Variants in SNX6 observed in about 807,000 individuals in gnomAD.
SNX6 encodes sorting nexin 6.
A neutral mutation model predicts 63.0 loss-of-function variants in SNX6; 34 were observed. That is an observed-to-expected ratio of 0.54 (90% CI 0.41 to 0.72). SNX6 has a LOEUF of 0.72. Ranked by LOEUF, SNX6 falls within the 30% of genes least tolerant of loss-of-function variation. The pLI is 0.00. For missense variants in SNX6, 398 were observed against 471.4 expected, an observed-to-expected ratio of 0.84 and a Z score of 1.44; for synonymous variants, 170 against 164.2, an observed-to-expected ratio of 1.04 and a Z score of -0.27.
rs2138260425 is a variant in SNX6 at position 34,567,812 on chromosome 14, T to C, written c.1082-41A>G. 1.9e-6 allele frequency: 3 copies of C among 1,611,764 alleles called. No homozygotes were observed. In the East Asian group the frequency reaches 6.7e-5, roughly 36 times the overall value. ...TAGGATTATTTAATTTACATAATAG[T>C]CATAAAGCATATCTTGTGATTAAAG... is the stretch of plus-strand genomic sequence containing the variant. On this transcript the variant is annotated intron_variant, in intron 12 of 13. Coordinates refer to ENST00000362031, the MANE Select transcript of SNX6 (RefSeq NM_152233.4).
intron 11 of SNX6, among the ~76,000 whole-genome samples, chr14:34,571,011 C>T (rs918985906): frequency 2.0e-5 from 3 of 151,914 alleles, no homozygotes; most frequent in African/African-American, 7.2e-5. Context: ...ACGTCAGCCA[C>T]CGCACCTGGC....
At chr14:34,600,431 T>TTTC (rs201879419) in intron 6 of SNX6, among the ~76,000 whole-genome samples, 1 of 151,328 alleles carries the variant, frequency 6.6e-6, no homozygotes. Context: ...GGCATTTTTC[T>TTTC]TTCTTCTTCT....
At chr14:34,568,822 C>T (rs952052372) in intron 11 of SNX6, 15 of 1,031,952 alleles carry the variant, frequency 1.5e-5, no homozygotes, top group South Asian at 3.9e-5. Context: ...TTGGAGGACC[C>T]GGTGGGCCAC....
chr14:34,583,181 C>T (rs1374391174), intron 9 of SNX6, among the ~76,000 whole-genome samples: 1 of 151,994 alleles, frequency 6.6e-6, no homozygotes, highest in Non-Finnish European at 1.5e-5. Flanking sequence ...TGGTGGCACG[C>T]GCCTGTAGTC....
At chr14:34,625,987 G>C (rs1395860366) in intron 2 of SNX6, among the ~76,000 whole-genome samples, 2 of 152,100 alleles carry the variant, frequency 1.3e-5, no homozygotes, top group Non-Finnish European at 2.9e-5. Flanking sequence ...TTAAAGTCCA[G>C]CTCTCCCATT....
At chr14:34,607,006 C>T (rs1340654359) in intron 4 of SNX6, among the ~76,000 whole-genome samples, 2 of 151,098 alleles carry the variant, frequency 1.3e-5, no homozygotes, top group Middle Eastern at 3.2e-3. Flanking sequence ...TCTTGAACTC[C>T]TGACCTCATG....
At chr14:34,568,150 T>C in intron 11 of SNX6, 137 bp from the exon 12 acceptor site, 1 of 682,686 alleles carries the variant, frequency 1.5e-6, no homozygotes, top group Non-Finnish European at 2.2e-6. Context: ...TCCAATTTTT[T>C]TTTTTTTTTT....
At position 34,567,839 on chromosome 14, in the gene SNX6, T is replaced by C. The variant is rs1408700274; in HGVS notation, c.1081+15A>G. 2 of 1,613,744 alleles carry C rather than the reference T, an allele frequency of 1.2e-6. No homozygotes were observed. The highest frequency in any genetic ancestry group is 3.3e-5 in the Admixed American group (2 of 59,926). ...ATAAAGCATATCTTGTGATTAAAGG[T>C]TAACGTAACAGTACCTTGTTTTGCA... On this transcript the variant is annotated intron_variant, in intron 12 of 13. Coordinates refer to ENST00000362031, the MANE Select transcript of SNX6 (RefSeq NM_152233.4).
chr14:34,623,443 C>CA (rs1555328954), intron 2 of SNX6, among the ~76,000 whole-genome samples: 1 of 151,690 alleles, frequency 6.6e-6, no homozygotes, highest in South Asian at 2.1e-4. Flanking sequence ...CCTTACCCCC[C>CA]AAAAAAAGGG....
chr14:34,600,980 T>G (rs146092867), intron 6 of SNX6, among the ~76,000 whole-genome samples: 1 of 151,334 alleles, frequency 6.6e-6, no homozygotes, highest in African/African-American at 2.4e-5. Flanking sequence ...ACAGTGCCAT[T>G]GCACTCCAGC....
In SNX6 at chr14:34,566,503, C is replaced by T. The variant is rs1016986492; in HGVS notation, c.1167+1183G>A. On this transcript the variant is annotated intron_variant, in intron 13 of 13. Transcript: ENST00000362031. ...TGTTGGGATTACAGGCGTGAGCCAC[C>T]GCACCCAGCCTAATTTTTAAATGTT... is the stretch of plus-strand genomic sequence containing the variant. Among the ~76,000 whole-genome samples, 4 of 152,150 alleles carry T rather than the reference C, an allele frequency of 2.6e-5. 1 individual carries two copies. Among genetic ancestry groups the T allele is most frequent in the Non-Finnish European group, 5.9e-5 (4 of 68,036 alleles).
chr14:34,597,778 C>A (rs1283726723), intron 6 of SNX6, 133 bp from the exon 7 acceptor site: 2 of 586,426 alleles, frequency 3.4e-6, no homozygotes, highest in African/African-American at 3.8e-5. Context: ...TTTCATCATG[C>A]ACATCAATGA....
chr14:34,613,549 T>C (rs1297143425), intron 2 of SNX6, among the ~76,000 whole-genome samples: 1 of 152,106 alleles, frequency 6.6e-6, no homozygotes, highest in Admixed American at 6.5e-5. Flanking sequence ...TCCCAGCACT[T>C]TGGGAGGCTG....
chr14:34,589,702 C>T (rs1421125470), intron 8 of SNX6, among the ~76,000 whole-genome samples: 1 of 151,956 alleles, frequency 6.6e-6, no homozygotes, highest in East Asian at 1.9e-4. Context: ...TGACACACAC[C>T]TGTAATCCTA....
intron 2 of SNX6, among the ~76,000 whole-genome samples, chr14:34,626,478 C>T (rs914631528): frequency 2.5e-4 from 38 of 150,862 alleles, no homozygotes; most frequent in South Asian, 4.2e-4. Context: ...CAAGGTGAAA[C>T]CCCGCCTCTA....
Position 34,567,898 on chromosome 14 carries a change from A to C in SNX6, c.1037T>G (p.Leu346Ter). 6.2e-7 allele frequency: 1 copy of C among 1,614,022 alleles called. No homozygotes were observed. The highest frequency in any genetic ancestry group is 8.5e-7 in the Non-Finnish European group (1 of 1,180,030). The change falls in exon 12 of 14, where the codon TTA becomes TGA. Residue 346 changes from leucine (L) to a stop codon, truncating the protein, a stop_gained. Coordinates refer to ENST00000362031, the MANE Select transcript of SNX6 (RefSeq NM_152233.4). LOFTEE classifies it high-confidence loss of function. ...TATTTTTTCAAATTTCTGACAACATAATTGTTGGGAAGTTTCGGCCTGTAG... is the reference window on the plus strand; with the variant it reads ...TATTTTTTCAAATTTCTGACAACATCATTGTTGGGAAGTTTCGGCCTGTAG... ...DVLQAETSQQ[L>*]CCQKFEKISE... is the part of the protein sequence containing the mutation.
intron 2 of SNX6, among the ~76,000 whole-genome samples, chr14:34,614,437 A>AT (rs1303099203): frequency 7.3e-6 from 1 of 137,432 alleles, no homozygotes; most frequent in Non-Finnish European, 1.6e-5. Context: ...ACCCTGTCTC[A>AT]AAAAAAAAAA....
chr14:34,613,041 CAAAAAA>C (rs34313201), intron 2 of SNX6, among the ~76,000 whole-genome samples: 26,073 of 117,780 alleles, frequency 0.22, 2,523 homozygotes, highest in African/African-American at 0.3. Context: ...AGACTCTATC[CAAAAAA>C]AAAAAAAAAA....
At chr14:34,593,197 A>C in intron 7 of SNX6, 47 bp from the exon 8 acceptor site, 1 of 1,154,118 alleles carries the variant, frequency 8.7e-7, no homozygotes, top group Non-Finnish European at 1.2e-6. Context: ...TATTTGCTTT[A>C]GTTTTATATG....
Sources: gnomAD v4.1 joint callset for allele counts (sites outside exome capture counted in the v4.1 genomes callset) on GRCh38, gnomAD v4.1.1 for gene constraint, MANE v1.5 for transcripts, NCBI Gene and HGNC (gene_info 2026-07-23, HGNC 2026-07-21) for gene names.